RNF175: variants seen among roughly 807,000 people sequenced by gnomAD.
RNF175 encodes ring finger protein 175.
RNF175 carries 38 observed loss-of-function variants against 50.0 expected under a neutral mutation model. That is an observed-to-expected ratio of 0.76 (90% CI 0.59 to 1.00). The LOEUF (loss-of-function observed/expected upper bound fraction) is 1.00, where lower values mean the gene tolerates loss of function less well. Among genes scored for constraint, RNF175 ranks in the 50% least tolerant of loss-of-function variants. RNF175 has a pLI of 0.00. For missense variants in RNF175, 388 were observed against 409.6 expected (o/e 0.95, Z 0.46); for synonymous variants, 155 against 146.1 (o/e 1.06, Z -0.44).
At chr4:153,719,936 G>A (rs1470930488) in intron 6 of RNF175, among the ~76,000 whole-genome samples, 1 of 152,184 alleles carries the variant, frequency 6.6e-6, no homozygotes, top group Admixed American at 6.5e-5. Context: ...TATTTTAAAA[G>A]ATGCCTTATT....
chr4:153,744,852 C>T (rs552444664), intron 3 of RNF175, among the ~76,000 whole-genome samples: 7 of 152,228 alleles, frequency 4.6e-5, no homozygotes, highest in East Asian at 1.9e-4. Flanking sequence ...GATAAGACAA[C>T]GGTGACATGG....
intron 3 of RNF175, among the ~76,000 whole-genome samples, chr4:153,731,872 A>T (rs1739057338): frequency 6.6e-6 from 1 of 152,092 alleles, no homozygotes; most frequent in Non-Finnish European, 1.5e-5. Context: ...ATAAAAAAAT[A>T]CCCAGGAAAC....
chr4:153,731,485 G>C (rs1318020284), intron 3 of RNF175, among the ~76,000 whole-genome samples: 1 of 152,138 alleles, frequency 6.6e-6, no homozygotes, highest in Non-Finnish European at 1.5e-5. Context: ...ATAGCAGGAG[G>C]AATTTCCTGA....
At chr4:153,751,369 T>G in intron 2 of RNF175, 69 bp downstream of exon 2, 1 of 1,118,720 alleles carries the variant, frequency 8.9e-7, no homozygotes, top group Admixed American at 2.3e-5. Context: ...ACTTCATTCA[T>G]TTTCTCAACT....
At chr4:153,729,752 C>G (rs1399250786) in intron 3 of RNF175, 1 of 984,578 alleles carries the variant, frequency 1.0e-6, no homozygotes, top group Non-Finnish European at 1.2e-6. Flanking sequence ...TTCAGAGAAC[C>G]CTAGAGTTGT....
chr4:153,726,187 C>A (rs989318775), intron 4 of RNF175, among the ~76,000 whole-genome samples: 3 of 152,006 alleles, frequency 2.0e-5, no homozygotes, highest in Non-Finnish European at 2.9e-5. Context: ...CTCACTGCAA[C>A]CTTTGCCTCT....
intron 3 of RNF175, among the ~76,000 whole-genome samples, chr4:153,736,349 T>A (rs1436770598): frequency 6.6e-6 from 1 of 152,252 alleles, no homozygotes; most frequent in African/African-American, 2.4e-5. Context: ...TTATACATTG[T>A]TGGATTTGCT....
intron 2 of RNF175, among the ~76,000 whole-genome samples, chr4:153,750,048 C>A (rs1740203109): frequency 6.6e-6 from 1 of 152,132 alleles, no homozygotes; most frequent in South Asian, 2.1e-4. Flanking sequence ...AGATTGAGAA[C>A]CACAAGCCTA....
At chr4:153,722,061 G>T (rs1404341768) in intron 5 of RNF175, among the ~76,000 whole-genome samples, 2 of 152,158 alleles carry the variant, frequency 1.3e-5, no homozygotes, top group East Asian at 1.9e-4. Flanking sequence ...CTGAGTAAAG[G>T]GTTGATGAGC....
intron 3 of RNF175, among the ~76,000 whole-genome samples, chr4:153,742,309 AG>A (rs1448366403): frequency 6.6e-6 from 1 of 151,802 alleles, no homozygotes; most frequent in Non-Finnish European, 1.5e-5. Flanking sequence ...GCAGAATAGA[AG>A]GGGGTGGCAA....
chr4:153,752,642 T>C (rs1012662479), intron 1 of RNF175, among the ~76,000 whole-genome samples: 3 of 152,192 alleles, frequency 2.0e-5, no homozygotes, highest in African/African-American at 7.2e-5. Flanking sequence ...TTTTTAAGTA[T>C]AATGTAGAGC....
At chr4:153,725,338 C>T (rs766252299) in intron 4 of RNF175, among the ~76,000 whole-genome samples, 6 of 152,056 alleles carry the variant, frequency 3.9e-5, no homozygotes, top group Non-Finnish European at 8.8e-5. Flanking sequence ...CAGATCAAGG[C>T]GGAAGTTTAT....
chr4:153,758,874 C>T (rs1229407177), intron 1 of RNF175, among the ~76,000 whole-genome samples: 2 of 152,150 alleles, frequency 1.3e-5, no homozygotes. Context: ...CAACACCCAG[C>T]TCGAATGCCA....
intron 4 of RNF175, among the ~76,000 whole-genome samples, chr4:153,725,679 G>C (rs1416495542): frequency 6.6e-6 from 1 of 152,190 alleles, no homozygotes; most frequent in Non-Finnish European, 1.5e-5. Context: ...TGGGACTTTG[G>C]TCAATTTACT....
chr4:153,720,148 T>C, intron 6 of RNF175, 36 bp downstream of exon 6: 1 of 1,607,638 alleles, frequency 6.2e-7, no homozygotes. Flanking sequence ...TCTCTTTGTG[T>C]CATACATGGT....
intron 3 of RNF175, among the ~76,000 whole-genome samples, chr4:153,734,014 C>T (rs1464160130): frequency 2.6e-5 from 4 of 152,294 alleles, no homozygotes; most frequent in African/African-American, 9.6e-5. Context: ...AAAGTTCATC[C>T]ATGTTTTTTC....
intron 6 of RNF175, among the ~76,000 whole-genome samples, chr4:153,718,944 G>A (rs373631992): frequency 5.7e-4 from 86 of 152,106 alleles, no homozygotes; most frequent in African/African-American, 1.9e-3. Context: ...TACTTACACT[G>A]TTTTTTTCTT....
chr4:153,715,727 A>G (rs922503296), intron 6 of RNF175, 65 bp from the exon 7 acceptor site: 4 of 1,546,196 alleles, frequency 2.6e-6, no homozygotes, highest in Non-Finnish European at 3.5e-6. Flanking sequence ...TGAATGCAGG[A>G]AGCCACTGCC....
In RNF175 at chr4:153,732,452, C is replaced by A. The variant is rs200202506; in HGVS notation, c.247-4091G>T. Among the ~76,000 whole-genome samples, 7 of 152,138 alleles carry A rather than the reference C, an allele frequency of 4.6e-5. No individual in the cohort carries two copies. In the East Asian group the frequency reaches 1.4e-3, roughly 29 times the overall value. The stretch of plus-strand genomic sequence containing the variant: ...GTATGTATGTATTTGTGTCTTGCCT[C>A]ATTTTAAAAAGATTTGAGCAGACAC... On this transcript the variant is annotated intron_variant, in intron 3 of 8. Coordinates refer to ENST00000347063, the MANE Select transcript of RNF175 (RefSeq NM_173662.4).
Sources: gnomAD v4.1 joint callset for allele counts (sites outside exome capture counted in the v4.1 genomes callset) on GRCh38, gnomAD v4.1.1 for gene constraint, MANE v1.5 for transcripts, NCBI Gene and HGNC (gene_info 2026-07-23, HGNC 2026-07-21) for gene names.